The following DYSF variants were observed in gnomAD, a reference collection of about 807,000 sequenced individuals.
The protein encoded by DYSF is dysferlin, also known as dystrophy-associated fer-1-like 1.
DYSF carries 212 observed loss-of-function variants against 274.9 expected under a neutral mutation model. That is an observed-to-expected ratio of 0.77 (90% confidence interval 0.69 to 0.86). The LOEUF (loss-of-function observed/expected upper bound fraction) is 0.86. DYSF is among the 40% of genes least tolerant of loss of function. The probability of loss-of-function intolerance (pLI) is 0.00; values close to 1 mark genes in which losing one functional copy is unlikely to be tolerated. For synonymous variants in DYSF, 1,091 were observed against 1,078.7 expected, an observed-to-expected ratio of 1.01 and a Z score of -0.22; for missense variants, 2,666 against 2,783.2, an observed-to-expected ratio of 0.96 and a Z score of 0.95.
intron 17 of DYSF, among the ~76,000 whole-genome samples, chr2:71,539,462 A>G (rs571166812): frequency 1.3e-5 from 2 of 152,170 alleles, no homozygotes; most frequent in South Asian, 2.1e-4. Flanking sequence ...GAAGGGCACA[A>G]AGAGGATAAT....
intron 30 of DYSF, among the ~76,000 whole-genome samples, chr2:71,578,887 G>A (rs777264874): frequency 1.3e-5 from 2 of 152,228 alleles, no homozygotes; most frequent in Admixed American, 6.5e-5. Flanking sequence ...CTCCTTCCAC[G>A]GAGCGGGAGG....
chr2:71,557,143 G>T (rs1313301609), intron 22 of DYSF, among the ~76,000 whole-genome samples: 1 of 152,226 alleles, frequency 6.6e-6, no homozygotes, highest in Non-Finnish European at 1.5e-5. Flanking sequence ...ACTGACAAAG[G>T]TACAACTTCA....
intron 12 of DYSF, among the ~76,000 whole-genome samples, chr2:71,524,392 C>T (rs908786465): frequency 6.6e-6 from 1 of 152,120 alleles, no homozygotes; most frequent in African/African-American, 2.4e-5. Flanking sequence ...TGCTTATTGT[C>T]TAGGGGAATA....
chr2:71,570,169 C>T, intron 27 of DYSF, 60 bp from the exon 28 acceptor site: 1 of 1,481,236 alleles, frequency 6.8e-7, no homozygotes. Context: ...ATCTTTTCTG[C>T]CTCCCTGCTC....
intron 1 of DYSF, among the ~76,000 whole-genome samples, chr2:71,474,752 T>C (rs541995114): frequency 1.3e-5 from 2 of 152,226 alleles, no homozygotes; most frequent in Non-Finnish European, 2.9e-5. Context: ...TCTCCTCATC[T>C]ACAGGGAAGG....
At chr2:71,665,421 T>G in intron 47 of DYSF, 117 bp downstream of exon 47, 4 of 1,384,544 alleles carry the variant, frequency 2.9e-6, no homozygotes, top group Non-Finnish European at 3.0e-6. Context: ...CAGCAGGCTG[T>G]GGGTCTCTCC....
intron 13 of DYSF, among the ~76,000 whole-genome samples, chr2:71,526,955 C>T (rs1191054770): frequency 6.6e-6 from 1 of 152,246 alleles, no homozygotes; most frequent in African/African-American, 2.4e-5. Flanking sequence ...CCAGGAAGGC[C>T]AATGTGGCCA....
intron 38 of DYSF, among the ~76,000 whole-genome samples, chr2:71,611,880 C>T (rs887727317): frequency 6.6e-6 from 1 of 152,214 alleles, no homozygotes; most frequent in African/African-American, 2.4e-5. Context: ...AAGGAGACAT[C>T]CCCTGGCTGT....
chr2:71,660,708 T>G, intron 45 of DYSF, 57 bp downstream of exon 45: 1 of 1,432,644 alleles, frequency 7.0e-7, no homozygotes, highest in Non-Finnish European at 9.8e-7. Flanking sequence ...TAACCCACAG[T>G]CTAGTGGGGG....
chr2:71,549,279 C>A lies in DYSF; in HGVS notation c.1577-1762C>A, dbSNP rs973217729. On this transcript the variant is annotated intron_variant, in intron 17 of 55. Transcript: ENST00000410020. ...CTGCCTGCCAGCTCTCCATCCACAG[C>A]CTGTTCATGTAACCCGTCCTTCTCC... 10 of 1,472,380 alleles carry A rather than the reference C, an allele frequency of 6.8e-6. No homozygotes were observed. The East Asian group carries it at 1.9e-4, about 28-fold the overall frequency. The allele number at this position is 1,472,380 out of a possible 1,614,324, so 91.2% of individuals were successfully genotyped here.
At chr2:71,640,675 C>T (rs1172981329) in intron 41 of DYSF, among the ~76,000 whole-genome samples, 1 of 152,070 alleles carries the variant, frequency 6.6e-6, no homozygotes, top group African/African-American at 2.4e-5. Flanking sequence ...AGATTGACTG[C>T]TGCCATCTGT....
chr2:71,602,718 C>T, intron 35 of DYSF, 58 bp from the exon 36 acceptor site: 2 of 1,589,656 alleles, frequency 1.3e-6, no homozygotes, highest in Non-Finnish European at 1.7e-6. Flanking sequence ...GAACTTTTTC[C>T]CCTTCCAACC....
At chr2:71,530,754 G>A (rs75530963) in intron 14 of DYSF, among the ~76,000 whole-genome samples, 19 of 151,954 alleles carry the variant, frequency 1.3e-4, no homozygotes, top group Non-Finnish European at 2.1e-4. Flanking sequence ...TGGCGTCCCC[G>A]CTTCTGCTGC....
chr2:71,520,733 G>T (rs1446745497), intron 11 of DYSF, 56 bp from the exon 12 acceptor site: 1 of 1,536,502 alleles, frequency 6.5e-7, no homozygotes, highest in Non-Finnish European at 9.0e-7. Context: ...CCCGGATGTG[G>T]CCACAGCCTG....
intron 1 of DYSF, among the ~76,000 whole-genome samples, chr2:71,470,195 C>T (rs2081880644): frequency 6.6e-6 from 1 of 152,172 alleles, no homozygotes; most frequent in Non-Finnish European, 1.5e-5. Context: ...CCTCCCACCT[C>T]TTCTCTTCTT....
intron 20 of DYSF, 54 bp from the exon 21 acceptor site, chr2:71,553,753 T>TTCCCCCCCC: frequency 1.8e-6 from 1 of 567,516 alleles, no homozygotes; most frequent in Admixed American, 2.4e-5. Context: ...TAGCACCCCA[T>TTCCCCCCCC]CCCACCCGCC....
intron 21 of DYSF, among the ~76,000 whole-genome samples, chr2:71,554,677 G>A (rs532469146): frequency 4.4e-4 from 67 of 152,294 alleles, no homozygotes; most frequent in African/African-American, 1.5e-3. Flanking sequence ...GCTGAGGAAG[G>A]GCTATAAGGA....
intron 36 of DYSF, among the ~76,000 whole-genome samples, chr2:71,606,290 C>T (rs1337644425): frequency 1.3e-5 from 2 of 152,158 alleles, no homozygotes; most frequent in Non-Finnish European, 2.9e-5. Flanking sequence ...ACACTCTGCA[C>T]ACCTGTAGAA....
At chr2:71,657,635 C>G (rs545921708) in intron 43 of DYSF, among the ~76,000 whole-genome samples, 51 of 152,336 alleles carry the variant, frequency 3.3e-4, no homozygotes, top group African/African-American at 1.2e-3. Context: ...AACCTCAGTT[C>G]TTGACTTCCG....
Sources: allele counts gnomAD v4.1 joint callset (sites outside exome capture counted in the v4.1 genomes callset), GRCh38; gene constraint gnomAD v4.1.1; transcripts MANE v1.5; gene names NCBI Gene and HGNC (gene_info 2026-07-23, HGNC 2026-07-21).